Variants in ZFP62 observed in about 807,000 individuals in gnomAD.
ZFP62 encodes the protein zinc finger protein 62 homolog.
In ZFP62, 44 loss-of-function variants were observed where a neutral mutation model predicts 56.4. The ratio of observed to expected loss-of-function variants is 0.78; its 90% CI spans 0.61 to 1.00. The LOEUF is 1.00. ZFP62 is among the 50% of genes least tolerant of loss of function. The pLI, the probability that ZFP62 is intolerant of heterozygous loss-of-function variation, is 0.00. For synonymous variants in ZFP62, 421 were observed against 388.9 expected (o/e 1.08, Z -0.97); for missense variants, 1,030 against 1,085.7 (o/e 0.95, Z 0.72).
In ZFP62 at chr5:180,861,228, C is replaced by T. The variant is rs972483310; in HGVS notation, c.-9G>A. The T allele has an allele frequency of 1.5e-5, 6 of 397,946 alleles. No homozygotes were observed. The Admixed American group carries it at 1.8e-4, about 12-fold the overall frequency. The allele number at this position is 397,946 out of a possible 1,614,324, so 24.7% of individuals were successfully genotyped here. On this transcript the variant is annotated 5_prime_UTR_variant, in exon 1 of 2. Coordinates refer to ENST00000502412, the MANE Select transcript of ZFP62 (RefSeq NM_001172638.2). ...CCGCGGACTCACGTACTGGCTGTGG[C>T]GGCGCCGCGGGAACCCGGCCGCCAG...
the ZFP62 span, among the ~76,000 whole-genome samples, chr5:180,827,863 A>G: frequency 6.6e-6 from 1 of 152,222 alleles, no homozygotes; most frequent in Non-Finnish European, 1.5e-5. Context: ...GAGGTGGGAC[A>G]TGCGGGCAGC....
chr5:180,828,492 A>C, the ZFP62 span, among the ~76,000 whole-genome samples: 1 of 152,334 alleles, frequency 6.6e-6, no homozygotes, highest in African/African-American at 2.4e-5. Context: ...AGAAGAACAT[A>C]AATTGTGAAG....
the ZFP62 span, among the ~76,000 whole-genome samples, chr5:180,826,901 T>G: frequency 2.0e-5 from 3 of 152,160 alleles, no homozygotes; most frequent in Admixed American, 6.5e-5. Context: ...TTTATTGAGA[T>G]GGAGTTGAGA....
In ZFP62 at chr5:180,848,957, A is replaced by C. The variant is rs568543524; in HGVS notation, c.2538T>G (p.Gly846=). The change falls in exon 2 of 2, where the codon GGT becomes GGG. Residue 846 remains glycine, a synonymous_variant. Coordinates refer to ENST00000502412, the MANE Select transcript of ZFP62 (RefSeq NM_001172638.2). Reference sequence around the variant, plus strand: ...GATTTGATCTGATATTAAAAGCCTTACCACACTCATTACATCGGTATGGCT... The same window carrying C: ...GATTTGATCTGATATTAAAAGCCTTCCCACACTCATTACATCGGTATGGCT... ...GKKPYRCNEC[G]KAFNIRSNLT... is the part of the protein sequence containing the mutation. The C allele has an allele frequency of 2.7e-4, 419 of 1,551,770 alleles. 1 individual carries two copies. Among genetic ancestry groups the C allele is most frequent in the Non-Finnish European group, 5.0e-5 (57 of 1,146,994 alleles).
chr5:180,827,841 G>A, the ZFP62 span, among the ~76,000 whole-genome samples: 40 of 152,344 alleles, frequency 2.6e-4, no homozygotes, highest in South Asian at 5.4e-3. Flanking sequence ...GGGAAAAACC[G>A]CCTTAGGGCT....
intron 1 of ZFP62, among the ~76,000 whole-genome samples, chr5:180,852,339 C>T (rs1010071822): frequency 3.0e-4 from 46 of 152,048 alleles, no homozygotes; most frequent in African/African-American, 8.9e-4. Context: ...GGGCGGATCA[C>T]GAGGTCAAGA....
intron 1 of ZFP62, among the ~76,000 whole-genome samples, chr5:180,851,729 A>G (rs1773723485): frequency 6.6e-6 from 1 of 152,210 alleles, no homozygotes; most frequent in African/African-American, 2.4e-5. Context: ...TTTTCAATGG[A>G]ACAATGAGCT....
At position 180,848,735 on chromosome 5, in the gene ZFP62, A is replaced by G; in HGVS notation, c.*57T>C. 6.9e-7 allele frequency: 1 copy of G among 1,455,638 alleles called. No individual in the cohort carries two copies. The highest frequency in any genetic ancestry group is 9.1e-7 in the Non-Finnish European group (1 of 1,101,112). 90.2% of individuals were successfully genotyped at this position (1,455,638 alleles called of 1,614,324 possible). ...ACAAGCCATGACCCCCTACATTCTTACATTCATAAGGTATTTCTTCCATTT... is the reference window on the plus strand; with the variant it reads ...ACAAGCCATGACCCCCTACATTCTTGCATTCATAAGGTATTTCTTCCATTT... On this transcript the variant is annotated 3_prime_UTR_variant, in exon 2 of 2. Coordinates refer to ENST00000502412, the MANE Select transcript of ZFP62 (RefSeq NM_001172638.2).
At position 180,849,981 on chromosome 5, in the gene ZFP62, T is replaced by C. The variant is rs553237832; in HGVS notation, c.1514A>G (p.Tyr505Cys). Reference sequence around the variant, plus strand: ...GGATTTCTCACAATAGCTACATTTATAGGGCTTCTCCCCAAGGTGGATTCC... The same window carrying C: ...GGATTTCTCACAATAGCTACATTTACAGGGCTTCTCCCCAAGGTGGATTCC... The part of the protein sequence containing the change: ...HKGIHLGEKP[Y>C]KCSYCEKSFN... The change falls in exon 2 of 2, where the codon TAT (tyrosine) becomes TGT (cysteine). Residue 505 changes from tyrosine to cysteine, a missense_variant. Tyr to Cys is a radical substitution (Grantham distance 194, BLOSUM62 -2). Transcript: ENST00000502412. 475 of 1,551,442 alleles carry C rather than the reference T, an allele frequency of 3.1e-4. No homozygotes were observed. The highest frequency in any genetic ancestry group is 4.0e-4 in the Non-Finnish European group (461 of 1,146,972).
chr5:180,833,871 G>A, the ZFP62 span, among the ~76,000 whole-genome samples: 4 of 151,992 alleles, frequency 2.6e-5, no homozygotes, highest in African/African-American at 4.8e-5. Flanking sequence ...GGGTTTCACC[G>A]TGTTAGCCAG....
downstream of ZFP62, among the ~76,000 whole-genome samples, chr5:180,844,184 T>G (rs1417547846): frequency 1.3e-5 from 2 of 152,262 alleles, no homozygotes; most frequent in Non-Finnish European, 2.9e-5. Context: ...TTTAAAAAGA[T>G]AGTCAATTTA....
chr5:180,837,376 G>T, the ZFP62 span, among the ~76,000 whole-genome samples: 1 of 152,170 alleles, frequency 6.6e-6, no homozygotes, highest in Non-Finnish European at 1.5e-5. Context: ...TGCATTAAAG[G>T]TCTACTTCTC....
chr5:180,850,730 A>G lies in ZFP62; in HGVS notation c.765T>C (p.Cys255=). 2 of 1,607,040 alleles carry G rather than the reference A, an allele frequency of 1.2e-6. No homozygotes were observed. Among genetic ancestry groups the G allele is most frequent in the East Asian group, 4.5e-5 (2 of 44,592 alleles). ...RIHTGEKPYE[C]GECGKAFRNS... Reference sequence around the variant, plus strand: ...TCCTGAAGGCCTTCCCACACTCACCACATTCATAGGGCTTCTCCCCAGTGT... The same window carrying G: ...TCCTGAAGGCCTTCCCACACTCACCGCATTCATAGGGCTTCTCCCCAGTGT... Residue 255 remains cysteine (C), a synonymous_variant, in exon 2 of 2, where the codon TGT becomes TGC. Coordinates refer to ENST00000502412, the MANE Select transcript of ZFP62 (RefSeq NM_001172638.2).
chr5:180,849,153 C>A lies in ZFP62; in HGVS notation c.2342G>T (p.Gly781Val). 4 of 1,563,966 alleles carry A rather than the reference C, an allele frequency of 2.6e-6. No homozygotes were observed. Among genetic ancestry groups the A allele is most frequent in the Non-Finnish European group, 2.6e-6 (3 of 1,154,380 alleles). ...CTCATCACATTCATAGGGTTTCTCACCTGTGTGGATCCTTTTATGCACTGT... is the reference window on the plus strand; with the variant it reads ...CTCATCACATTCATAGGGTTTCTCAACTGTGTGGATCCTTTTATGCACTGT... ...GLTVHKRIHT[G>V]EKPYECDECG... Residue 781 changes from glycine to valine, a missense_variant, in exon 2 of 2, where the codon GGT becomes GTT. By Grantham distance (109) the Gly-to-Val change is moderately radical (BLOSUM62 -3). Transcript: ENST00000502412.
chr5:180,858,564 C>T (rs987707929), intron 1 of ZFP62, among the ~76,000 whole-genome samples: 3 of 151,942 alleles, frequency 2.0e-5, no homozygotes, highest in Admixed American at 6.6e-5. Flanking sequence ...GCCAAGATAG[C>T]GCCATTGCAC....
At chr5:180,842,570 T>C in the ZFP62 span, among the ~76,000 whole-genome samples, 27 of 152,332 alleles carry the variant, frequency 1.8e-4, no homozygotes, top group African/African-American at 6.5e-4. Context: ...CAAAAGAACA[T>C]GAGGTCTAAC....
downstream of ZFP62, chr5:180,847,551 C>G (rs1216773178): frequency 1.0e-6 from 1 of 978,074 alleles, no homozygotes; most frequent in Non-Finnish European, 1.2e-6. Flanking sequence ...TATAACTTAC[C>G]CAACAAAGAT....
At chr5:180,857,663 A>G (rs182952801) in intron 1 of ZFP62, among the ~76,000 whole-genome samples, 1 of 152,122 alleles carries the variant, frequency 6.6e-6, no homozygotes, top group African/African-American at 2.4e-5. Context: ...ATGCTCAGCT[A>G]ATTTTTATAT....
At chr5:180,859,719 G>A (rs1024683041) in intron 1 of ZFP62, among the ~76,000 whole-genome samples, 10 of 152,188 alleles carry the variant, frequency 6.6e-5, no homozygotes, top group Admixed American at 5.2e-4. Context: ...TTAGGCTAGT[G>A]TAACACTAAA....
Sources: allele counts gnomAD v4.1 joint callset (sites outside exome capture counted in the v4.1 genomes callset), GRCh38; gene constraint gnomAD v4.1.1; transcripts MANE v1.5; gene names NCBI Gene and HGNC (gene_info 2026-07-23, HGNC 2026-07-21).